The following ELP4 variants were observed in gnomAD, a reference collection of about 807,000 sequenced individuals.
ELP4 encodes the protein elongator complex protein 4.
A neutral mutation model predicts 48.9 loss-of-function variants in ELP4; 51 were observed. That is an observed-to-expected ratio of 1.04 (90% CI 0.83 to 1.32). The LOEUF (loss-of-function observed/expected upper bound fraction) is 1.32, where lower values mean the gene tolerates loss of function less well. Among genes scored for constraint, ELP4 ranks in the 40% most tolerant of loss-of-function variants. The pLI is 0.00. For missense variants in ELP4, 519 were observed against 514.6 expected, an observed-to-expected ratio of 1.01 and a Z score of -0.08; for synonymous variants, 210 against 189.2, an observed-to-expected ratio of 1.11 and a Z score of -0.90.
chr11:31,785,135 C>A lies in ELP4; in HGVS notation c.*1611C>A, dbSNP rs1353953001. 1 of 182,984 alleles carries A rather than the reference C, an allele frequency of 5.5e-6. No homozygotes were observed. Among genetic ancestry groups the A allele is most frequent in the Non-Finnish European group, 1.2e-5 (1 of 86,148 alleles). The allele number at this position is 182,984 out of a possible 1,614,324, so 11.3% of individuals were successfully genotyped here. On this transcript the variant is annotated 3_prime_UTR_variant, in exon 10 of 10. Coordinates refer to ENST00000640961, the MANE Select transcript of ELP4 (RefSeq NM_019040.5). ...GTGCTTTTAAATTTTAAAGCAACTT[C>A]AAAAAATTGATTTAGTCCATAGATA... is the stretch of plus-strand genomic sequence containing the variant.
intron 9 of ELP4, among the ~76,000 whole-genome samples, chr11:31,742,404 A>G (rs1441867261): frequency 6.6e-6 from 1 of 152,204 alleles, no homozygotes; most frequent in African/African-American, 2.4e-5. Flanking sequence ...AAAGCCACAA[A>G]GATACTCCTT....
intron 2 of ELP4, among the ~76,000 whole-genome samples, chr11:31,534,279 G>A (rs1364268444): frequency 6.6e-6 from 1 of 151,836 alleles, no homozygotes; most frequent in East Asian, 1.9e-4. Context: ...GTGTGTGTGT[G>A]TGTGTGTGTG....
intron 3 of ELP4, among the ~76,000 whole-genome samples, chr11:31,557,602 G>C (rs1252903461): frequency 6.6e-6 from 1 of 151,984 alleles, no homozygotes; most frequent in Non-Finnish European, 1.5e-5. Flanking sequence ...GTAGAATCCA[G>C]AAATACCTCA....
At chr11:31,700,219 A>AT (rs951725124) in intron 9 of ELP4, among the ~76,000 whole-genome samples, 13 of 151,640 alleles carry the variant, frequency 8.6e-5, no homozygotes, top group African/African-American at 1.7e-4. Context: ...GAGTGTATCT[A>AT]TTTTTTTAAA....
intron 9 of ELP4, among the ~76,000 whole-genome samples, chr11:31,686,913 A>G (rs1032110113): frequency 1.3e-5 from 2 of 151,442 alleles, no homozygotes; most frequent in African/African-American, 4.8e-5. Flanking sequence ...AAGAGATTGG[A>G]GTGGGGGTGG....
intron 9 of ELP4, among the ~76,000 whole-genome samples, chr11:31,706,109 T>C (rs1377723289): frequency 1.3e-5 from 2 of 152,098 alleles, no homozygotes; most frequent in East Asian, 3.8e-4. Context: ...GTATGTTGTA[T>C]TTTTTTACTT....
At chr11:31,519,294 C>A (rs890706879) in intron 1 of ELP4, among the ~76,000 whole-genome samples, 12 of 152,174 alleles carry the variant, frequency 7.9e-5, no homozygotes, top group Non-Finnish European at 1.5e-4. Context: ...ATTATCAGAT[C>A]TTTACTCAGT....
intron 9 of ELP4, among the ~76,000 whole-genome samples, chr11:31,751,651 C>CA (rs1947722468): frequency 6.6e-6 from 1 of 152,162 alleles, no homozygotes; most frequent in Admixed American, 6.5e-5. Flanking sequence ...CTATCTCAAG[C>CA]ATACCCTCTT....
At chr11:31,686,271 T>A (rs955557497) in intron 9 of ELP4, among the ~76,000 whole-genome samples, 1 of 151,808 alleles carries the variant, frequency 6.6e-6, no homozygotes, top group Admixed American at 6.6e-5. Flanking sequence ...TGAAACTAAT[T>A]TTTATTCTAG....
chr11:31,539,587 G>A (rs1276682642), intron 2 of ELP4, 75 bp from the exon 3 acceptor site: 20 of 1,433,262 alleles, frequency 1.4e-5, no homozygotes, highest in Middle Eastern at 2.3e-4. Flanking sequence ...AAACATATGA[G>A]TGTGCTTGCT....
intron 3 of ELP4, among the ~76,000 whole-genome samples, chr11:31,586,715 C>T (rs1957479785): frequency 1.3e-5 from 2 of 151,834 alleles, no homozygotes; most frequent in African/African-American, 4.8e-5. Flanking sequence ...AATCTCGGCT[C>T]GCTGCAAGCT....
At chr11:31,719,169 G>T (rs983616329) in intron 9 of ELP4, among the ~76,000 whole-genome samples, 1 of 151,748 alleles carries the variant, frequency 6.6e-6, no homozygotes, top group Non-Finnish European at 1.5e-5. Flanking sequence ...CTGAGGGGAG[G>T]ATCTCTTGAG....
intron 3 of ELP4, among the ~76,000 whole-genome samples, chr11:31,540,909 T>C (rs1409579388): frequency 2.6e-5 from 4 of 152,204 alleles, no homozygotes; most frequent in Non-Finnish European, 5.9e-5. Context: ...AAATATGTCA[T>C]TGATGTACTG....
At chr11:31,577,113 A>T (rs1291527874) in intron 3 of ELP4, among the ~76,000 whole-genome samples, 1 of 152,224 alleles carries the variant, frequency 6.6e-6, no homozygotes, top group Non-Finnish European at 1.5e-5. Context: ...ATCACCACCG[A>T]TCCCACAGAA....
intron 5 of ELP4, among the ~76,000 whole-genome samples, chr11:31,622,330 A>G (rs750574237): frequency 4.0e-5 from 6 of 151,606 alleles, no homozygotes; most frequent in Non-Finnish European, 7.4e-5. Flanking sequence ...TCATATTTAA[A>G]TATTTTTGTA....
chr11:31,631,462 T>A (rs1277353334), intron 6 of ELP4, among the ~76,000 whole-genome samples: 2 of 152,176 alleles, frequency 1.3e-5, no homozygotes, highest in Non-Finnish European at 2.9e-5. Context: ...AAGGAAAGTA[T>A]TTACAAAACA....
At chr11:31,679,251 G>A (rs1946005062) in intron 9 of ELP4, among the ~76,000 whole-genome samples, 1 of 152,104 alleles carries the variant, frequency 6.6e-6, no homozygotes, top group Non-Finnish European at 1.5e-5. Context: ...CTATATTCAT[G>A]TACCACATAT....
At chr11:31,570,531 G>A (rs1317798139) in intron 3 of ELP4, among the ~76,000 whole-genome samples, 2 of 146,424 alleles carry the variant, frequency 1.4e-5, no homozygotes, top group East Asian at 2.0e-4. Flanking sequence ...GCAGTGTTGC[G>A]ATCTTGGCTC....
chr11:31,658,715 T>G (rs1945490752), intron 9 of ELP4, among the ~76,000 whole-genome samples: 1 of 151,972 alleles, frequency 6.6e-6, no homozygotes, highest in Non-Finnish European at 1.5e-5. Flanking sequence ...TTTTAAATTT[T>G]TCTAAGGTAT....
Sources: gnomAD v4.1 joint callset for allele counts (sites outside exome capture counted in the v4.1 genomes callset) on GRCh38, gnomAD v4.1.1 for gene constraint, MANE v1.5 for transcripts, NCBI Gene and HGNC (gene_info 2026-07-23, HGNC 2026-07-21) for gene names.